ARHGEF38: variants seen among roughly 807,000 people sequenced by gnomAD.
The protein encoded by ARHGEF38 is Rho guanine nucleotide exchange factor 38.
A neutral mutation model predicts 79.9 loss-of-function variants in ARHGEF38; 79 were observed. That is an observed-to-expected ratio of 0.99 (90% CI 0.82 to 1.19). The LOEUF is 1.19. Ranked by LOEUF, ARHGEF38 falls within the 50% of genes most tolerant of loss-of-function variation. ARHGEF38 has a pLI of 0.00. For synonymous variants in ARHGEF38, 366 were observed against 328.3 expected (o/e 1.11, Z -1.24); for missense variants, 962 against 907.2 (o/e 1.06, Z -0.78).
At chr4:105,606,081 C>T (rs1189267571) in intron 2 of ARHGEF38, among the ~76,000 whole-genome samples, 2 of 152,206 alleles carry the variant, frequency 1.3e-5, no homozygotes, top group African/African-American at 4.8e-5. Flanking sequence ...AACTGTCCTA[C>T]AGAAGGAGTA....
intron 2 of ARHGEF38, among the ~76,000 whole-genome samples, chr4:105,607,005 T>G (rs904664836): frequency 6.6e-6 from 1 of 152,126 alleles, no homozygotes; most frequent in Non-Finnish European, 1.5e-5. Flanking sequence ...TGTTTGTTCC[T>G]AGACTTCTTT....
Position 105,677,774 on chromosome 4 carries a change from T to G in ARHGEF38, c.2171T>G (p.Phe724Cys). 9 of 1,498,448 alleles carry G rather than the reference T, an allele frequency of 6.0e-6. No homozygotes were observed. Among genetic ancestry groups the G allele is most frequent in the Non-Finnish European group, 8.0e-6 (9 of 1,123,282 alleles). 92.8% of individuals were successfully genotyped at this position (1,498,448 alleles called of 1,614,324 possible). The change falls in exon 14 of 14, where the codon TTT becomes TGT. Residue 724 changes from phenylalanine (F) to cysteine (C), a missense_variant. Phe to Cys is a radical substitution (Grantham distance 205). Coordinates refer to ENST00000420470, the MANE Select transcript of ARHGEF38 (RefSeq NM_001242729.2). ...DEQIFYAVHA[F>C]QARSDHELSL... ...TAGATTTTCTATGCAGTTCATGCTT[T>G]TCAAGCACGGAGTGACCATGAACTC...
intron 1 of ARHGEF38, among the ~76,000 whole-genome samples, chr4:105,560,836 A>G (rs1725482932): frequency 6.6e-6 from 1 of 152,128 alleles, no homozygotes. Flanking sequence ...AATGCTTCTT[A>G]ATGTTAGGTC....
chr4:105,561,935 A>G (rs1458880002), intron 1 of ARHGEF38, among the ~76,000 whole-genome samples: 1 of 152,188 alleles, frequency 6.6e-6, no homozygotes, highest in Admixed American at 6.5e-5. Flanking sequence ...AAAAGTGACT[A>G]GGAAATACAT....
At chr4:105,554,256 G>A (rs1364849454) in intron 1 of ARHGEF38, among the ~76,000 whole-genome samples, 1 of 152,074 alleles carries the variant, frequency 6.6e-6, no homozygotes, top group African/African-American at 2.4e-5. Flanking sequence ...TGTTACTTGC[G>A]TATTTTGTGT....
chr4:105,574,991 TACACACATACACACACATATATACAC>T (rs1368232469), intron 1 of ARHGEF38, among the ~76,000 whole-genome samples: 2 of 93,558 alleles, frequency 2.1e-5, no homozygotes, highest in Admixed American at 1.3e-4. Flanking sequence ...TATATATATG[TACACACATACACACACATATATACAC>T]ACACACACAC....
chr4:105,623,773 T>C (rs997048899), intron 3 of ARHGEF38, among the ~76,000 whole-genome samples: 2 of 152,214 alleles, frequency 1.3e-5, no homozygotes, highest in African/African-American at 4.8e-5. Flanking sequence ...TTAGTAACTC[T>C]GGACACTCTC....
intron 3 of ARHGEF38, among the ~76,000 whole-genome samples, chr4:105,623,532 A>G (rs987569330): frequency 6.6e-6 from 1 of 151,744 alleles, no homozygotes; most frequent in Non-Finnish European, 1.5e-5. Flanking sequence ...TGATCCAGCC[A>G]GCAAAACTTT....
At chr4:105,609,731 A>T (rs1425931711) in intron 2 of ARHGEF38, among the ~76,000 whole-genome samples, 1 of 152,118 alleles carries the variant, frequency 6.6e-6, no homozygotes, top group Non-Finnish European at 1.5e-5. Flanking sequence ...TGTAATGGGA[A>T]CTGGCTATTT....
chr4:105,575,706 A>G (rs745941918), intron 1 of ARHGEF38, among the ~76,000 whole-genome samples: 6 of 152,056 alleles, frequency 3.9e-5, no homozygotes, highest in Non-Finnish European at 7.4e-5. Flanking sequence ...TTAGGGTTTT[A>G]GTCATAAATA....
At chr4:105,662,911 A>G (rs1243210325) in intron 10 of ARHGEF38, among the ~76,000 whole-genome samples, 1 of 152,196 alleles carries the variant, frequency 6.6e-6, no homozygotes, top group Non-Finnish European at 1.5e-5. Context: ...CCATAGCCAA[A>G]CAAGAGCATA....
chr4:105,593,814 T>C (rs1341134173), intron 2 of ARHGEF38, among the ~76,000 whole-genome samples: 3 of 152,116 alleles, frequency 2.0e-5, no homozygotes, highest in African/African-American at 7.3e-5. Context: ...GAAACTCTTA[T>C]AAGCAGTTCT....
chr4:105,668,992 G>A (rs2110580266), intron 13 of ARHGEF38, among the ~76,000 whole-genome samples: 1 of 152,296 alleles, frequency 6.6e-6, no homozygotes, highest in East Asian at 1.9e-4. Context: ...GCTGCAGTGA[G>A]CCGTGATCAT....
chr4:105,597,963 A>C (rs1211044689), intron 2 of ARHGEF38, among the ~76,000 whole-genome samples: 2 of 152,272 alleles, frequency 1.3e-5, no homozygotes, highest in South Asian at 4.2e-4. Flanking sequence ...TGTAAGGATA[A>C]AATTTTTCCT....
chr4:105,611,898 A>G (rs970911737), intron 2 of ARHGEF38, among the ~76,000 whole-genome samples: 1 of 152,112 alleles, frequency 6.6e-6, no homozygotes, highest in African/African-American at 2.4e-5. Flanking sequence ...TTTGATTACA[A>G]ATGAGGCTGT....
chr4:105,637,323 A>C (rs777668721), intron 5 of ARHGEF38, among the ~76,000 whole-genome samples: 12 of 152,158 alleles, frequency 7.9e-5, no homozygotes, highest in Non-Finnish European at 1.5e-4. Context: ...AGATCTGTAG[A>C]CCAGGGCTGT....
rs1418703118 is a variant in ARHGEF38, at chr4:105,659,276, A to C, written c.1456A>C (p.Lys486Gln). The stretch of plus-strand genomic sequence containing the variant: ...CCAGGCATTCAACCAGGCTGCTCGG[A>C]AGATTCTGTTGAACTGTCTATGCAG... ...ELQAFNQAAR[K>Q]ILLNCLCSFI... is the part of the protein sequence containing the mutation. Residue 486 changes from lysine to glutamine, a missense_variant, in exon 10 of 14, where the codon AAG (lysine) becomes CAG (glutamine). Lys to Gln is a moderately conservative substitution (Grantham distance 53). Coordinates refer to ENST00000420470, the MANE Select transcript of ARHGEF38 (RefSeq NM_001242729.2). 1 of 1,535,948 alleles carries C rather than the reference A, an allele frequency of 6.5e-7. No homozygotes were observed. The highest frequency in any genetic ancestry group is 8.7e-7 in the Non-Finnish European group (1 of 1,146,878).
At chr4:105,653,224 C>T (rs1017993693) in intron 7 of ARHGEF38, among the ~76,000 whole-genome samples, 1 of 152,032 alleles carries the variant, frequency 6.6e-6, no homozygotes, top group Non-Finnish European at 1.5e-5. Flanking sequence ...ATACATGTGA[C>T]ACTATCTTAA....
intron 3 of ARHGEF38, 129 bp downstream of exon 3, chr4:105,613,636 T>A (rs1728395608): frequency 2.0e-6 from 2 of 984,128 alleles, no homozygotes; most frequent in South Asian, 3.9e-5. Flanking sequence ...TAAACCCATC[T>A]TTGGGCTCAT....
Sources: allele counts gnomAD v4.1 joint callset (sites outside exome capture counted in the v4.1 genomes callset), GRCh38; gene constraint gnomAD v4.1.1; transcripts MANE v1.5; gene names NCBI Gene and HGNC (gene_info 2026-07-23, HGNC 2026-07-21).